DNAAF1: variants seen among roughly 807,000 people sequenced by gnomAD.
DNAAF1 encodes the protein dynein assembly factor 1, axonemal.
DNAAF1 carries 65 observed loss-of-function variants against 71.1 expected under a neutral mutation model. The observed-to-expected ratio is 0.91, with a 90% CI of 0.75 to 1.12. The LOEUF (loss-of-function observed/expected upper bound fraction) is 1.12, where lower values mean the gene tolerates loss of function less well. Ranked by LOEUF, DNAAF1 falls within the 50% of genes most tolerant of loss-of-function variation. The pLI is 0.00. For synonymous variants in DNAAF1, 414 were observed against 354.6 expected (o/e 1.17, Z -1.88); for missense variants, 1,178 against 899.8 (o/e 1.31, Z -3.96).
At chr16:84,161,897 C>G (rs2087732215) in intron 6 of DNAAF1, among the ~76,000 whole-genome samples, 1 of 152,078 alleles carries the variant, frequency 6.6e-6, no homozygotes, top group Non-Finnish European at 1.5e-5. Flanking sequence ...TAGGGTCTGT[C>G]TTCCCCGACT....
chr16:84,149,393 A>T (rs533268406), intron 2 of DNAAF1, among the ~76,000 whole-genome samples: 2 of 152,260 alleles, frequency 1.3e-5, no homozygotes, highest in Admixed American at 1.3e-4. Flanking sequence ...TTATTAGAAC[A>T]TACAATGCAA....
chr16:84,173,035 A>G (rs1259251941), intron 9 of DNAAF1: 2 of 990,500 alleles, frequency 2.0e-6, no homozygotes, highest in Non-Finnish European at 2.4e-6. Context: ...ATGGGGCACG[A>G]ATAGGAGAGG....
At chr16:84,168,478 A>G (rs966144458) in intron 7 of DNAAF1, among the ~76,000 whole-genome samples, 1 of 152,094 alleles carries the variant, frequency 6.6e-6, no homozygotes, top group African/African-American at 2.4e-5. Context: ...GGGCCTTGCT[A>G]TGTTGGCCAA....
intron 6 of DNAAF1, among the ~76,000 whole-genome samples, chr16:84,165,383 G>T (rs11865245): frequency 0.038 from 5,714 of 152,020 alleles, 340 homozygotes; most frequent in African/African-American, 0.13. Flanking sequence ...ACAGGGTTTT[G>T]CTATGTTGCC....
Position 84,177,147 on chromosome 16 carries a change from C to A in DNAAF1, c.2066-582C>A, listed in dbSNP as rs186690786. 1.4e-3 allele frequency: 249 copies of A among 182,046 alleles called. 5 individuals carry two copies. The highest frequency in any genetic ancestry group is 5.4e-3 in the African/African-American group (227 of 42,360). The allele number at this position is 182,046 out of a possible 1,614,324, so 11.3% of individuals were successfully genotyped here. The stretch of plus-strand genomic sequence containing the variant: ...TTGCAGGCAGGAAGCAGGGAGTGGC[C>A]TGAGTGCATTTCCCGGGAACACTGA... On this transcript the variant is annotated intron_variant, in intron 11 of 11. Coordinates refer to ENST00000378553, the MANE Select transcript of DNAAF1 (RefSeq NM_178452.6).
chr16:84,175,469 C>G (rs2088603073), intron 10 of DNAAF1: 1 of 203,496 alleles, frequency 4.9e-6, no homozygotes, highest in Admixed American at 5.3e-5. Flanking sequence ...CTGGCATTAC[C>G]AGGAGCCCAC....
intron 4 of DNAAF1, among the ~76,000 whole-genome samples, chr16:84,155,193 C>T (rs1261204899): frequency 6.6e-6 from 1 of 152,030 alleles, no homozygotes; most frequent in Admixed American, 6.6e-5. Flanking sequence ...CAGGCGTGAG[C>T]CACCATGCCC....
At chr16:84,159,257 C>T in intron 5 of DNAAF1, 3 of 1,084,458 alleles carry the variant, frequency 2.8e-6, no homozygotes, top group Non-Finnish European at 3.4e-6. Context: ...TGCTGCTTCT[C>T]TGTCTAGCGG....
chr16:84,158,939 C>A, intron 5 of DNAAF1: 1 of 681,210 alleles, frequency 1.5e-6, no homozygotes, highest in African/African-American at 2.0e-5. Context: ...CCATGTTGGC[C>A]AGGCTGGTCT....
intron 11 of DNAAF1, 38 bp from the exon 12 acceptor site, chr16:84,177,691 T>G (rs1567573830): frequency 6.4e-7 from 1 of 1,551,366 alleles, no homozygotes; most frequent in East Asian, 2.2e-5. Flanking sequence ...GCAGTCACAG[T>G]GACAGGGAGA....
At chr16:84,146,055 C>G (rs574334594) in intron 1 of DNAAF1, among the ~76,000 whole-genome samples, 2 of 152,084 alleles carry the variant, frequency 1.3e-5, no homozygotes, top group Admixed American at 1.3e-4. Flanking sequence ...CAAGATCTCG[C>G]CATTGCATTC....
chr16:84,157,927 G>A (rs868721417), intron 5 of DNAAF1, among the ~76,000 whole-genome samples: 1 of 152,172 alleles, frequency 6.6e-6, no homozygotes, highest in Non-Finnish European at 1.5e-5. Flanking sequence ...TTTTCTCGTG[G>A]CCAGGCACAG....
At chr16:84,154,841 C>T (rs758376628) in intron 4 of DNAAF1, 43 bp downstream of exon 4, 1 of 1,446,416 alleles carries the variant, frequency 6.9e-7, no homozygotes, top group Non-Finnish European at 9.7e-7. Flanking sequence ...GCCATATGTC[C>T]ATCACCTTCC....
At position 84,172,205 on chromosome 16, in the gene DNAAF1, G is replaced by A. The variant is rs554093993; in HGVS notation, c.1529-55G>A. 830 of 1,547,818 alleles carry A rather than the reference G, an allele frequency of 5.4e-4. 5 individuals carry two copies. In the African/African-American group the frequency reaches 9.7e-3, roughly 18 times the overall value. ...GGGAGCCCATCTTCACCGTAGGCTC[G>A]TCCATCTGCCTGCCGTGTGTTAAAC... On this transcript the variant is annotated intron_variant, in intron 8 of 11. Coordinates refer to ENST00000378553, the MANE Select transcript of DNAAF1 (RefSeq NM_178452.6).
chr16:84,157,979 G>A lies in DNAAF1; in HGVS notation c.742-1696G>A, dbSNP rs145215990. ...TCCCAGCGCTCTGGGAGGCCAAGGT[G>A]GGCAGATCACGAGGTCGGGAGATCG... On this transcript the variant is annotated intron_variant, in intron 5 of 11. Transcript: ENST00000378553. Among the ~76,000 whole-genome samples the A allele has an allele frequency of 8.3e-3, 1,264 of 152,234 alleles. 24 individuals are homozygous for A. Among genetic ancestry groups the A allele is most frequent in the African/African-American group, 0.029 (1,209 of 41,540 alleles).
At chr16:84,160,543 C>G (rs149559607) in intron 6 of DNAAF1, among the ~76,000 whole-genome samples, 161 of 152,248 alleles carry the variant, frequency 1.1e-3, no homozygotes, top group African/African-American at 3.8e-3. Flanking sequence ...TTGCATTATA[C>G]AACATTTAAA....
chr16:84,173,581 C>T (rs2088494400), intron 9 of DNAAF1: 1 of 978,252 alleles, frequency 1.0e-6, no homozygotes, highest in Non-Finnish European at 1.2e-6. Context: ...CACCTGTAAT[C>T]CCAGCACTTT....
intron 3 of DNAAF1, among the ~76,000 whole-genome samples, chr16:84,153,882 C>T (rs1362438845): frequency 1.3e-5 from 2 of 152,124 alleles, no homozygotes; most frequent in African/African-American, 4.8e-5. Flanking sequence ...CCACTCCCCA[C>T]CATGAAGGCA....
At chr16:84,151,582 T>C (rs772314933) in intron 3 of DNAAF1, among the ~76,000 whole-genome samples, 23 of 152,088 alleles carry the variant, frequency 1.5e-4, no homozygotes, top group Non-Finnish European at 2.9e-4. Flanking sequence ...GAGAGAGAGG[T>C]GCCCATATTA....
Sources: gnomAD v4.1 joint callset for allele counts (sites outside exome capture counted in the v4.1 genomes callset) on GRCh38, gnomAD v4.1.1 for gene constraint, MANE v1.5 for transcripts, NCBI Gene and HGNC (gene_info 2026-07-23, HGNC 2026-07-21) for gene names.